HHLA2: variants seen among roughly 807,000 people sequenced by gnomAD.
The protein encoded by HHLA2 is HERV-H LTR-associating protein 2.
HHLA2 carries 48 observed loss-of-function variants against 45.9 expected under a neutral mutation model. That is an observed-to-expected ratio of 1.05 (90% confidence interval 0.83 to 1.33). HHLA2 has a LOEUF of 1.33. HHLA2 is among the 40% of genes most tolerant of loss of function. HHLA2 has a pLI of 0.00. For missense variants in HHLA2, 462 were observed against 494.3 expected, an observed-to-expected ratio of 0.93 and a Z score of 0.62; for synonymous variants, 161 against 173.9, an observed-to-expected ratio of 0.93 and a Z score of 0.59.
chr3:108,345,282 G>A (rs2081641725), intron 3 of HHLA2, among the ~76,000 whole-genome samples: 1 of 152,222 alleles, frequency 6.6e-6, no homozygotes, highest in South Asian at 2.1e-4. Flanking sequence ...CATAACCTGA[G>A]AACTGCAGCT....
intron 6 of HHLA2, 145 bp downstream of exon 5, chr3:108,355,526 G>C (rs1486508615): frequency 1.2e-6 from 1 of 868,250 alleles, no homozygotes; most frequent in Non-Finnish European, 1.8e-6. Context: ...CGAAGCCCTA[G>C]GGCTGGTTCT....
chr3:108,345,319 A>G (rs1364613430), intron 3 of HHLA2, among the ~76,000 whole-genome samples: 1 of 152,256 alleles, frequency 6.6e-6, no homozygotes. Context: ...AATCCTCCAA[A>G]GAAGGCTGAA....
chr3:108,311,042 G>C (rs2081010012), intron 2 of HHLA2, among the ~76,000 whole-genome samples: 1 of 152,148 alleles, frequency 6.6e-6, no homozygotes, highest in African/African-American at 2.4e-5. Flanking sequence ...ACTTTACCAA[G>C]TGTAAATAGG....
intron 3 of HHLA2, among the ~76,000 whole-genome samples, chr3:108,329,087 A>G (rs1457738250): frequency 6.6e-6 from 1 of 152,190 alleles, no homozygotes; most frequent in Non-Finnish European, 1.5e-5. Context: ...TTAGGATGCA[A>G]AAAGCCACAC....
At chr3:108,375,641 C>G (rs2082263010) in intron 8 of HHLA2, 109 bp from the exon 8 acceptor site, 1 of 1,364,808 alleles carries the variant, frequency 7.3e-7, no homozygotes, top group African/African-American at 1.5e-5. Flanking sequence ...TTCAAAGAAC[C>G]AGAGAGTGAC....
At chr3:108,308,906 T>C (rs2080973659) in intron 1 of HHLA2, among the ~76,000 whole-genome samples, 2 of 152,236 alleles carry the variant, frequency 1.3e-5, no homozygotes, top group African/African-American at 4.8e-5. Flanking sequence ...AGTCTGGTGA[T>C]GAATCCCTTG....
At chr3:108,352,172 GTACT>G (rs2081791292) in intron 4 of HHLA2, among the ~76,000 whole-genome samples, 1 of 151,276 alleles carries the variant, frequency 6.6e-6, no homozygotes, top group African/African-American at 2.4e-5. Context: ...TGTAAGCTTG[GTACT>G]TACCACTTGA....
At chr3:108,327,099 G>A (rs1479620909) in intron 2 of HHLA2, among the ~76,000 whole-genome samples, 3 of 152,048 alleles carry the variant, frequency 2.0e-5, no homozygotes, top group Admixed American at 1.3e-4. Context: ...TATAATTTGG[G>A]GGTTGCAATT....
chr3:108,311,121 A>T (rs1049929380), intron 2 of HHLA2, among the ~76,000 whole-genome samples: 2 of 152,192 alleles, frequency 1.3e-5, no homozygotes, highest in Admixed American at 1.3e-4. Flanking sequence ...ATGGTCTTTT[A>T]TCAGCGGTGT....
At chr3:108,340,169 G>A (rs1489949199) in intron 3 of HHLA2, among the ~76,000 whole-genome samples, 5 of 152,120 alleles carry the variant, frequency 3.3e-5, no homozygotes, top group Non-Finnish European at 5.9e-5. Flanking sequence ...GGAGAGAATT[G>A]AGGCAAGGAG....
intron 2 of HHLA2, among the ~76,000 whole-genome samples, chr3:108,318,476 T>A (rs1258519404): frequency 1.3e-5 from 2 of 152,200 alleles, no homozygotes; most frequent in African/African-American, 4.8e-5. Context: ...GGAGTTCTCT[T>A]ATAATTCACC....
intron 5 of HHLA2, among the ~76,000 whole-genome samples, chr3:108,353,994 T>C (rs2081838519): frequency 6.6e-6 from 1 of 152,204 alleles, no homozygotes; most frequent in South Asian, 2.1e-4. Flanking sequence ...GTGTTTTACA[T>C]TACATGGTTG....
intron 1 of HHLA2, among the ~76,000 whole-genome samples, chr3:108,307,147 A>T (rs1365564348): frequency 6.6e-6 from 1 of 152,152 alleles, no homozygotes; most frequent in Non-Finnish European, 1.5e-5. Flanking sequence ...TTTCTAACTT[A>T]GATTTTATAC....
chr3:108,340,818 A>G (rs188051991), intron 3 of HHLA2, among the ~76,000 whole-genome samples: 15 of 151,026 alleles, frequency 9.9e-5, no homozygotes, highest in African/African-American at 3.4e-4. Context: ...GAAAACAAGG[A>G]TTTACTCTTT....
rs1371974988 is a variant in HHLA2 at position 108,321,161 on chromosome 3, T to C, written c.-104-7109T>C. Among the ~76,000 whole-genome samples the C allele has an allele frequency of 2.0e-5, 3 of 147,186 alleles. No homozygotes were observed. The South Asian group carries it at 6.7e-4, about 33-fold the overall frequency. ...CATGGTTCTAACAGGCAGAGGCATG[T>C]CCATTTAGACTCACTCCTCTCCAGT... On this transcript the variant is annotated intron_variant, in intron 2 of 10. Coordinates refer to ENST00000619531, the Ensembl canonical transcript of HHLA2.
At chr3:108,374,415 A>C (rs2082236413) in intron 8 of HHLA2, among the ~76,000 whole-genome samples, 1 of 150,350 alleles carries the variant, frequency 6.7e-6, no homozygotes, top group African/African-American at 2.4e-5. Flanking sequence ...GGACATAGGC[A>C]TGGGCAAGGA....
chr3:108,333,859 A>G (rs2081428328), intron 3 of HHLA2, among the ~76,000 whole-genome samples: 1 of 152,088 alleles, frequency 6.6e-6, no homozygotes, highest in African/African-American at 2.4e-5. Context: ...CTTCCCCTTC[A>G]TTATGCTGGG....
At chr3:108,330,164 C>G (rs1290927001) in intron 3 of HHLA2, among the ~76,000 whole-genome samples, 1 of 152,082 alleles carries the variant, frequency 6.6e-6, no homozygotes, top group Non-Finnish European at 1.5e-5. Context: ...GCCACAGTGT[C>G]TTTTATAACC....
At chr3:108,353,677 G>T in exon 5 of HHLA2, 1 of 1,613,506 alleles carries the variant, frequency 6.2e-7, no homozygotes, top group Non-Finnish European at 8.5e-7. Flanking sequence ...GGAATGCGTC[G>T]CTATTTTTCA....
Sources: gnomAD v4.1 joint callset for allele counts (sites outside exome capture counted in the v4.1 genomes callset) on GRCh38, gnomAD v4.1.1 for gene constraint, MANE v1.5 for transcripts, NCBI Gene and HGNC (gene_info 2026-07-23, HGNC 2026-07-21) for gene names.